The following GUCY1A2 variants were observed in gnomAD, a reference collection of about 807,000 sequenced individuals.
GUCY1A2 encodes guanylate cyclase soluble subunit alpha-2.
In GUCY1A2, 27 loss-of-function variants were observed where a neutral mutation model predicts 63.5. The ratio of observed to expected loss-of-function variants is 0.43; its 90% CI spans 0.31 to 0.59. GUCY1A2 has a LOEUF of 0.59. GUCY1A2 is among the 20% of genes least tolerant of loss of function. The pLI is 0.11. For synonymous variants in GUCY1A2, 364 were observed against 343.5 expected, an observed-to-expected ratio of 1.06 and a Z score of -0.66; for missense variants, 768 against 913.3, an observed-to-expected ratio of 0.84 and a Z score of 2.05.
At chr11:106,847,861 T>C (rs988288040) in intron 4 of GUCY1A2, among the ~76,000 whole-genome samples, 1 of 151,662 alleles carries the variant, frequency 6.6e-6, no homozygotes, top group African/African-American at 2.4e-5. Flanking sequence ...TGCTTTTTTT[T>C]AAATTAGAAA....
At chr11:106,924,445 CAGA>C (rs1347343915) in intron 4 of GUCY1A2, among the ~76,000 whole-genome samples, 1 of 152,160 alleles carries the variant, frequency 6.6e-6, no homozygotes, top group African/African-American at 2.4e-5. Context: ...GATATTCTTT[CAGA>C]AGAATACACT....
At chr11:106,981,451 T>C (rs1243545913) in intron 2 of GUCY1A2, among the ~76,000 whole-genome samples, 1 of 147,980 alleles carries the variant, frequency 6.8e-6, no homozygotes, top group African/African-American at 2.5e-5. Flanking sequence ...CTATCCATGA[T>C]ATTAACACAG....
intron 3 of GUCY1A2, among the ~76,000 whole-genome samples, chr11:106,968,367 A>T (rs1861152415): frequency 6.6e-6 from 1 of 152,196 alleles, no homozygotes; most frequent in African/African-American, 2.4e-5. Context: ...TTAGGATTCA[A>T]ATCAATAATG....
chr11:106,789,625 T>C (rs1400577164), intron 5 of GUCY1A2, among the ~76,000 whole-genome samples: 1 of 152,194 alleles, frequency 6.6e-6, no homozygotes. Context: ...GTACTTGTCC[T>C]TCTTGGGAAG....
intron 1 of GUCY1A2, among the ~76,000 whole-genome samples, chr11:107,015,648 C>G (rs1861813017): frequency 7.9e-6 from 1 of 127,346 alleles, no homozygotes; most frequent in Non-Finnish European, 1.6e-5. Flanking sequence ...TTATCTTTAG[C>G]AAAATCATTT....
At chr11:106,831,666 C>T (rs1859052676) in intron 4 of GUCY1A2, among the ~76,000 whole-genome samples, 1 of 152,188 alleles carries the variant, frequency 6.6e-6, no homozygotes, top group Non-Finnish European at 1.5e-5. Context: ...ATGGTAAAAT[C>T]ACAAGATAGG....
intron 4 of GUCY1A2, among the ~76,000 whole-genome samples, chr11:106,934,931 T>C (rs1490947381): frequency 6.6e-6 from 1 of 152,214 alleles, no homozygotes; most frequent in East Asian, 1.9e-4. Flanking sequence ...TCCATTTTAT[T>C]TTGGAAGTTA....
At chr11:106,726,157 G>A (rs1473217507) in intron 6 of GUCY1A2, among the ~76,000 whole-genome samples, 1 of 152,196 alleles carries the variant, frequency 6.6e-6, no homozygotes, top group East Asian at 1.9e-4. Context: ...GTTCACGCCT[G>A]TAATCCCAGC....
intron 7 of GUCY1A2, among the ~76,000 whole-genome samples, chr11:106,698,119 A>ATTTTTTT (rs71470827): frequency 0.19 from 18,803 of 99,868 alleles, 3,503 homozygotes; most frequent in African/African-American, 0.23. Flanking sequence ...GAATGTTAGA[A>ATTTTTTT]TTTTTTTTTT....
At chr11:106,860,129 T>C (rs569689464) in intron 4 of GUCY1A2, among the ~76,000 whole-genome samples, 5 of 152,092 alleles carry the variant, frequency 3.3e-5, no homozygotes, top group Non-Finnish European at 4.4e-5. Context: ...ATTACTTAAG[T>C]TTATGTTTTA....
intron 4 of GUCY1A2, among the ~76,000 whole-genome samples, chr11:106,921,645 T>C (rs760504142): frequency 1.2e-4 from 19 of 152,066 alleles, no homozygotes; most frequent in Non-Finnish European, 1.3e-4. Flanking sequence ...GTCTGTAAAA[T>C]GGCGATAGTA....
At chr11:106,827,572 A>G in intron 4 of GUCY1A2, 1 of 1,445,558 alleles carries the variant, frequency 6.9e-7, no homozygotes, top group Non-Finnish European at 9.7e-7. Context: ...AGTTTCTTAT[A>G]TACATGCTGA....
rs1863410020 is a variant in GUCY1A2, at chr11:106,726,462, G to GTA, written c.1837-17798_1837-17797dup. On this transcript the variant is annotated intron_variant, in intron 6 of 7. Transcript: ENST00000526355. ...ACCACAGAAAAACAGATCAATAAGT[G>GTA]TATATATATTGGGTAAGCAAGCAAA... Among the ~76,000 whole-genome samples the GTA allele has an allele frequency of 6.6e-5, 10 of 152,136 alleles. No homozygotes were observed. The South Asian group carries it at 2.1e-3, about 32-fold the overall frequency.
chr11:106,765,648 C>T lies in GUCY1A2; in HGVS notation c.1836+10791G>A, dbSNP rs527280077. Among the ~76,000 whole-genome samples the T allele has an allele frequency of 2.0e-5, 3 of 152,202 alleles. No homozygotes were observed. In the East Asian group the frequency reaches 5.8e-4, roughly 29 times the overall value. ...CAAGCCTCCAAAGTAAGCCTTTTCT[C>T]CCCTGGGACACCCCATGCATACTCC... On this transcript the variant is annotated intron_variant, in intron 6 of 7. Coordinates refer to ENST00000526355, the MANE Select transcript of GUCY1A2 (RefSeq NM_000855.3).
intron 6 of GUCY1A2, among the ~76,000 whole-genome samples, chr11:106,766,868 G>C (rs1864173330): frequency 6.6e-6 from 1 of 152,104 alleles, no homozygotes; most frequent in South Asian, 2.1e-4. Flanking sequence ...ATATGCTAAA[G>C]ATAATGGGCT....
At chr11:106,910,912 AC>A (rs986634098) in intron 4 of GUCY1A2, among the ~76,000 whole-genome samples, 4 of 152,042 alleles carry the variant, frequency 2.6e-5, no homozygotes, top group African/African-American at 9.7e-5. Context: ...TAACACTTGC[AC>A]CAAAACCAGT....
chr11:106,946,020 A>G (rs2119999356), intron 3 of GUCY1A2, among the ~76,000 whole-genome samples: 1 of 152,226 alleles, frequency 6.6e-6, no homozygotes, highest in East Asian at 1.9e-4. Context: ...AAAACTACCA[A>G]ACTACCACAA....
At chr11:106,962,156 T>A (rs1861065934) in intron 3 of GUCY1A2, among the ~76,000 whole-genome samples, 1 of 152,228 alleles carries the variant, frequency 6.6e-6, no homozygotes, top group East Asian at 1.9e-4. Flanking sequence ...CACTGTTACT[T>A]GAATTTTTGC....
chr11:106,910,033 T>G (rs1860271765), intron 4 of GUCY1A2, among the ~76,000 whole-genome samples: 1 of 152,012 alleles, frequency 6.6e-6, no homozygotes, highest in Non-Finnish European at 1.5e-5. Context: ...CCAAGTCAAC[T>G]AAGCTAATAA....
Sources: gnomAD v4.1 joint callset for allele counts (sites outside exome capture counted in the v4.1 genomes callset) on GRCh38, gnomAD v4.1.1 for gene constraint, MANE v1.5 for transcripts, NCBI Gene and HGNC (gene_info 2026-07-23, HGNC 2026-07-21) for gene names.